SRCIN1: variants seen among roughly 807,000 people sequenced by gnomAD.
SRCIN1 encodes SRC kinase signaling inhibitor 1.
Under a neutral mutation model 116.2 loss-of-function variants are expected in SRCIN1, and 50 were observed. The observed-to-expected ratio is 0.43, with a 90% CI of 0.34 to 0.54. The LOEUF (loss-of-function observed/expected upper bound fraction) is 0.54, where lower values mean the gene tolerates loss of function less well. Ranked by LOEUF, SRCIN1 falls within the 20% of genes least tolerant of loss-of-function variation. SRCIN1 has a pLI of 0.02. For missense variants in SRCIN1, 1,446 were observed against 1,672.0 expected (o/e 0.86, Z 2.36); for synonymous variants, 736 against 750.0 (o/e 0.98, Z 0.30).
intron 1 of SRCIN1, among the ~76,000 whole-genome samples, chr17:38,598,726 C>A (rs551637857): frequency 2.0e-5 from 3 of 152,312 alleles, no homozygotes; most frequent in Admixed American, 6.5e-5. Context: ...GCCTGGGCTA[C>A]CAGGAGCCAG....
chr17:38,558,303 G>A lies in SRCIN1; in HGVS notation c.2125C>T (p.Gln709Ter). ...EAARRQEDPLQRQRTLVEEER... is the reference protein window; with the variant it reads ...EAARRQEDPL Reference sequence around the variant, plus strand: ...TCTTCCACCAGGGTGCGCTGCCGCTGCAGCGGGTCCTCCTGCCGCCGCGCC... The same window carrying A: ...TCTTCCACCAGGGTGCGCTGCCGCTACAGCGGGTCCTCCTGCCGCCGCGCC... The change falls in exon 11 of 19, where the codon CAG (glutamine) becomes TAG (stop). Residue 709 changes from glutamine to a stop codon, truncating the protein, a stop_gained. Coordinates refer to ENST00000617146, the MANE Select transcript of SRCIN1 (RefSeq NM_025248.3). LOFTEE classifies it high-confidence loss of function. This position sits in a 1 kb window ranked among gnomAD's most constrained non-coding sequence, Gnocchi z 4.6. The A allele has an allele frequency of 6.2e-7, 1 of 1,611,718 alleles. No individual in the cohort carries two copies. The highest frequency in any genetic ancestry group is 8.5e-7 in the Non-Finnish European group (1 of 1,179,630).
chr17:38,605,360 A>C (rs1282988326), intron 1 of SRCIN1, among the ~76,000 whole-genome samples: 2 of 110,734 alleles, frequency 1.8e-5, no homozygotes, highest in Non-Finnish European at 3.7e-5. Flanking sequence ...CCCCTTCCAC[A>C]CAAGCCCCTT....
At chr17:38,535,072 C>T (rs897827513) in intron 18 of SRCIN1, among the ~76,000 whole-genome samples, 8 of 152,122 alleles carry the variant, frequency 5.3e-5, no homozygotes, top group African/African-American at 1.9e-4. Flanking sequence ...GTGGAAGTGG[C>T]AGTGAGCCAT....
intron 1 of SRCIN1, among the ~76,000 whole-genome samples, chr17:38,593,498 A>C (rs1286869344): frequency 1.3e-5 from 2 of 152,088 alleles, no homozygotes. Context: ...GCCCTGCTAG[A>C]GACTGGGACT....
chr17:38,582,241 C>T (rs952945652), intron 1 of SRCIN1, among the ~76,000 whole-genome samples: 3 of 152,176 alleles, frequency 2.0e-5, no homozygotes, highest in Admixed American at 1.3e-4. Flanking sequence ...CCAGCACCTC[C>T]TTCCCTACCT....
At chr17:38,588,058 CAAA>C (rs112646329) in intron 1 of SRCIN1, among the ~76,000 whole-genome samples, 6,983 of 129,052 alleles carry the variant, frequency 0.054, 345 homozygotes, top group South Asian at 0.15. Context: ...TTTGCTTTAA[CAAA>C]AAAAAAAAAA....
chr17:38,576,602 G>GCA, intron 2 of SRCIN1, among the ~76,000 whole-genome samples: 1 of 152,014 alleles, frequency 6.6e-6, no homozygotes, highest in Non-Finnish European at 1.5e-5. Context: ...CCTGAGTGGT[G>GCA]CATATGGTGC....
At chr17:38,548,059 A>G (rs1413464066) in intron 17 of SRCIN1, among the ~76,000 whole-genome samples, 2 of 152,180 alleles carry the variant, frequency 1.3e-5, no homozygotes, top group East Asian at 3.9e-4. Context: ...TGGTCACCTC[A>G]GAGCCCTGGT....
chr17:38,589,329 G>A (rs1360817411), intron 1 of SRCIN1, among the ~76,000 whole-genome samples: 1 of 152,218 alleles, frequency 6.6e-6, no homozygotes, highest in South Asian at 2.1e-4. Flanking sequence ...CACGCAGACA[G>A]GGAGAATGTC....
At chr17:38,566,902 T>TTCCTTCTTTCCTTCCTTCC (rs1567869321) in intron 3 of SRCIN1, among the ~76,000 whole-genome samples, 6 of 17,448 alleles carry the variant, frequency 3.4e-4, no homozygotes. Flanking sequence ...TCCTTCCTTC[T>TTCCTTCTTTCCTTCCTTCC]TTCCTTCCTT....
chr17:38,562,714 T>C lies in SRCIN1; in HGVS notation c.834+113A>G. On this transcript the variant is annotated intron_variant, in intron 6 of 18. Transcript: ENST00000617146. The surrounding 1 kb of genome is among the most constrained non-coding windows in gnomAD (Gnocchi z 4.2). ...GGCTCTTCCCTAACCCCTCAGCCCCTATGCTGTCTTCTCCAAAGCTGGCCC... is the reference window on the plus strand; with the variant it reads ...GGCTCTTCCCTAACCCCTCAGCCCCCATGCTGTCTTCTCCAAAGCTGGCCC... 1 of 919,528 alleles carries C rather than the reference T, an allele frequency of 1.1e-6. No homozygotes were observed. Among genetic ancestry groups the C allele is most frequent in the Non-Finnish European group, 1.7e-6 (1 of 592,698 alleles). The allele number at this position is 919,528 out of a possible 1,614,324, so 57.0% of individuals were successfully genotyped here. A position where few individuals can be genotyped will look rare whatever the true frequency, so the allele number is the denominator to read the frequency against.
Position 38,551,903 on chromosome 17 carries a change from T to G in SRCIN1, c.2710A>C (p.Lys904Gln), listed in dbSNP as rs764408427. 11 of 1,613,848 alleles carry G rather than the reference T, an allele frequency of 6.8e-6. No homozygotes were observed. In the South Asian group the frequency reaches 1.2e-4, roughly 18 times the overall value. Residue 904 changes from lysine (K) to glutamine (Q), a missense_variant, in exon 14 of 19, where the codon AAA becomes CAA. This residue lies in a region of SRCIN1 where 531 missense variants were observed against 633.9 expected (regional missense o/e 0.84). Transcript: ENST00000617146. ...CCCAGCACCTCAACAGACACAGCTTTGTCCACGCTTCTCTTGCCAGGAGTG... is the reference window on the plus strand; with the variant it reads ...CCCAGCACCTCAACAGACACAGCTTGGTCCACGCTTCTCTTGCCAGGAGTG... ...LDTPGKRSVD[K>Q]AVSVEAAERD...
rs189163278 is a variant in SRCIN1 at position 38,559,660 on chromosome 17, C to T, written c.1950G>A (p.Met650Ile). Residue 650 changes from methionine (M) to isoleucine (I), a missense_variant, in exon 10 of 19, where the codon ATG becomes ATA. By Grantham distance (10) the Met-to-Ile change is conservative. Around this residue, in one of 5 missense-constraint regions of SRCIN1, gnomAD observed 398 missense variants for 385.6 expected, o/e 1.03. Coordinates refer to ENST00000617146, the MANE Select transcript of SRCIN1 (RefSeq NM_025248.3). ...GQPTAVSRLQMQLHLRGLQNS... is the reference protein window; with the variant it reads ...GQPTAVSRLQIQLHLRGLQNS... ...TCTGCAGGCCTCGCAGGTGAAGCTG[C>T]ATCTGCAGCCGGCTAACGGCGGTAG... The T allele has an allele frequency of 1.5e-4, 243 of 1,602,194 alleles. No individual in the cohort carries two copies. The African/African-American group carries it at 2.9e-3, about 19-fold the overall frequency.
intron 1 of SRCIN1, among the ~76,000 whole-genome samples, chr17:38,603,612 A>G (rs1909187340): frequency 6.6e-6 from 1 of 152,132 alleles, no homozygotes; most frequent in African/African-American, 2.4e-5. Flanking sequence ...AGAAGCAGGA[A>G]TTGTTGTGGG....
In SRCIN1 at chr17:38,563,525, C is replaced by A. The variant is rs1348196699; in HGVS notation, c.542-4G>T. 1.9e-6 allele frequency: 3 copies of A among 1,547,724 alleles called. No homozygotes were observed. Among genetic ancestry groups the A allele is most frequent in the East Asian group, 4.9e-5 (2 of 40,936 alleles). ...CCGAACTGCAGGAACAGCACCCCTG[C>A]GAAGGAGACGCCGCCCTCGCTGTCA... On this transcript the variant is annotated splice_polypyrimidine_tract_variant and splice_region_variant and intron_variant, in intron 4 of 18. Transcript: ENST00000617146. The surrounding 1 kb of genome is among the most constrained non-coding windows in gnomAD (Gnocchi z 5.8).
At chr17:38,570,895 T>G (rs1907040150) in intron 2 of SRCIN1, among the ~76,000 whole-genome samples, 1 of 152,252 alleles carries the variant, frequency 6.6e-6, no homozygotes, top group South Asian at 2.1e-4. Flanking sequence ...GTCACTTGGA[T>G]GCATGAGAGA....
rs868434356 is a variant in SRCIN1 at position 38,585,015 on chromosome 17, G to A, written c.23-6224C>T. ...AAATCAGGTCCCTGTAACCCTCTCTGTGGAGATAAGGAGGCTGGACAAAAC... is the reference window on the plus strand; with the variant it reads ...AAATCAGGTCCCTGTAACCCTCTCTATGGAGATAAGGAGGCTGGACAAAAC... On this transcript the variant is annotated intron_variant, in intron 1 of 18. Transcript: ENST00000617146. The surrounding 1 kb of genome is among the most constrained non-coding windows in gnomAD (Gnocchi z 4.2). 6.6e-5 allele frequency among the ~76,000 whole-genome samples: 10 copies of A among 152,352 alleles called. No individual in the cohort carries two copies. Among genetic ancestry groups the A allele is most frequent in the Admixed American group, 6.5e-5 (1 of 15,310 alleles).
chr17:38,584,394 G>A (rs994118716), intron 1 of SRCIN1, among the ~76,000 whole-genome samples: 21 of 152,316 alleles, frequency 1.4e-4, no homozygotes, highest in African/African-American at 4.8e-4. Context: ...AAGAACTGGC[G>A]AAATCCAGAA....
rs1348080418 is a variant in SRCIN1 at position 38,562,163 on chromosome 17, C to T, written c.1000G>A (p.Gly334Arg). 7.3e-7 allele frequency: 1 copy of T among 1,368,484 alleles called. No individual in the cohort carries two copies. Among genetic ancestry groups the T allele is most frequent in the Non-Finnish European group, 9.4e-7 (1 of 1,068,900 alleles). 84.8% of individuals were successfully genotyped at this position (1,368,484 alleles called of 1,614,324 possible). The change falls in exon 7 of 19, where the codon GGG (glycine) becomes AGG (arginine). Residue 334 changes from glycine to arginine, a missense_variant. Coordinates refer to ENST00000617146, the MANE Select transcript of SRCIN1 (RefSeq NM_025248.3). The surrounding 1 kb of genome is among the most constrained non-coding windows in gnomAD (Gnocchi z 4.2). ...SPSRSRLSYA[G>R]GRPPSYAGSP... is the part of the protein sequence containing the mutation. ...CCGGCGTACGAAGGCGGGCGCCCCCCGGCGTACGATAGGCGCGAACGCGAC... is the reference window on the plus strand; with the variant it reads ...CCGGCGTACGAAGGCGGGCGCCCCCTGGCGTACGATAGGCGCGAACGCGAC...
Sources: gnomAD v4.1 joint callset for allele counts (sites outside exome capture counted in the v4.1 genomes callset) on GRCh38, gnomAD v4.1.1 for gene constraint, gnomAD v4.1.1 regional missense constraint, Gnocchi (gnomAD v3.1) non-coding constraint, MANE v1.5 for transcripts, NCBI Gene and HGNC (gene_info 2026-07-23, HGNC 2026-07-21) for gene names.